Variants in OPCML observed in about 807,000 individuals in gnomAD.
The protein encoded by OPCML is opioid-binding protein/cell adhesion molecule.
A neutral mutation model predicts 37.8 loss-of-function variants in OPCML; 13 were observed. That is an observed-to-expected ratio of 0.34 (90% CI 0.22 to 0.55). OPCML has a LOEUF of 0.55. Ranked by LOEUF, OPCML falls within the 20% of genes least tolerant of loss-of-function variation. The pLI, the probability that OPCML is intolerant of heterozygous loss-of-function variation, is 0.91. For synonymous variants in OPCML, 176 were observed against 168.8 expected (o/e 1.04, Z -0.33); for missense variants, 341 against 435.6 (o/e 0.78, Z 1.93).
intron 1 of OPCML, among the ~76,000 whole-genome samples, chr11:133,147,898 T>C (rs1215907836): frequency 2.6e-5 from 4 of 152,170 alleles, no homozygotes; most frequent in Non-Finnish European, 5.9e-5. Flanking sequence ...TAACTCAAAA[T>C]TGCCCCGTTT....
At chr11:133,003,484 G>A (rs1565392580) in intron 1 of OPCML, among the ~76,000 whole-genome samples, 1 of 152,122 alleles carries the variant, frequency 6.6e-6, no homozygotes, top group South Asian at 2.1e-4. Flanking sequence ...ACTGTATTTA[G>A]GGCCCACTCA....
chr11:132,694,517 A>C (rs1314122533), intron 2 of OPCML, among the ~76,000 whole-genome samples: 1 of 152,040 alleles, frequency 6.6e-6, no homozygotes, highest in African/African-American at 2.4e-5. Context: ...CTTTCTCTAT[A>C]AATGTTTGAT....
At chr11:133,149,883 G>A (rs1230508635) in intron 1 of OPCML, among the ~76,000 whole-genome samples, 1 of 152,216 alleles carries the variant, frequency 6.6e-6, no homozygotes, top group Non-Finnish European at 1.5e-5. Flanking sequence ...TTGGGAGCAG[G>A]GAGGTGGTTA....
At chr11:132,562,017 A>G (rs2096411744) in intron 3 of OPCML, among the ~76,000 whole-genome samples, 1 of 152,184 alleles carries the variant, frequency 6.6e-6, no homozygotes, top group South Asian at 2.1e-4. Context: ...GTTAAAGATA[A>G]TTCTTGAAGG....
chr11:133,365,145 C>T (rs140153723), intron 1 of OPCML, among the ~76,000 whole-genome samples: 1 of 152,202 alleles, frequency 6.6e-6, no homozygotes, highest in East Asian at 1.9e-4. Context: ...TCCAGATGTG[C>T]AGTCAGCAGA....
intron 1 of OPCML, among the ~76,000 whole-genome samples, chr11:133,196,795 C>T (rs763679457): frequency 2.6e-4 from 40 of 152,162 alleles, no homozygotes; most frequent in Non-Finnish European, 4.7e-4. Context: ...GTTGGGCACT[C>T]ATAATTGATA....
intron 2 of OPCML, among the ~76,000 whole-genome samples, chr11:132,741,983 T>C (rs1466753841): frequency 6.6e-6 from 1 of 151,408 alleles, no homozygotes; most frequent in Admixed American, 6.6e-5. Context: ...GAGCCAAGAT[T>C]GCACCGTTGT....
At chr11:132,494,493 C>G (rs1001217395) in intron 4 of OPCML, among the ~76,000 whole-genome samples, 8 of 152,056 alleles carry the variant, frequency 5.3e-5, no homozygotes, top group Non-Finnish European at 1.5e-5. Flanking sequence ...ATCTCATGTT[C>G]TTTTCCTTCC....
chr11:133,231,259 C>G (rs1165607646), intron 1 of OPCML, among the ~76,000 whole-genome samples: 1 of 152,168 alleles, frequency 6.6e-6, no homozygotes, highest in African/African-American at 2.4e-5. Flanking sequence ...CAGCAAGTGA[C>G]TCTCCTCTTC....
intron 2 of OPCML, among the ~76,000 whole-genome samples, chr11:132,813,091 CT>C (rs1486149627): frequency 6.6e-6 from 1 of 152,112 alleles, no homozygotes; most frequent in Non-Finnish European, 1.5e-5. Flanking sequence ...CAAATAGGTT[CT>C]CTTTTTTAAT....
chr11:132,868,250 C>T (rs929068472), intron 2 of OPCML, among the ~76,000 whole-genome samples: 1 of 150,440 alleles, frequency 6.6e-6, no homozygotes, highest in African/African-American at 2.4e-5. Context: ...AATTTTTAGC[C>T]CATAAAATCA....
chr11:133,115,070 G>T (rs1949311542), intron 1 of OPCML, among the ~76,000 whole-genome samples: 1 of 152,192 alleles, frequency 6.6e-6, no homozygotes, highest in Non-Finnish European at 1.5e-5. Context: ...TTGTACCATT[G>T]AGTGGGAGGT....
chr11:133,185,837 G>C (rs1293854352), intron 1 of OPCML, among the ~76,000 whole-genome samples: 1 of 152,166 alleles, frequency 6.6e-6, no homozygotes, highest in African/African-American at 2.4e-5. Context: ...TTCTACAGAT[G>C]TAGAAACTTA....
intron 1 of OPCML, among the ~76,000 whole-genome samples, chr11:133,151,463 C>CA (rs1388009037): frequency 1.3e-5 from 2 of 149,196 alleles, no homozygotes; most frequent in Non-Finnish European, 3.0e-5. Flanking sequence ...ATTTTTTTTT[C>CA]AAAAAAGAAG....
chr11:132,458,258 C>T (rs1050512879), intron 4 of OPCML, among the ~76,000 whole-genome samples: 1 of 152,192 alleles, frequency 6.6e-6, no homozygotes, highest in Non-Finnish European at 1.5e-5. Context: ...CAGAACCCCA[C>T]TCGGACCCAA....
intron 2 of OPCML, among the ~76,000 whole-genome samples, chr11:132,796,615 C>T (rs919333595): frequency 1.4e-5 from 2 of 143,134 alleles, no homozygotes; most frequent in Non-Finnish European, 3.0e-5. Context: ...GCTCTGTCAC[C>T]CAGTCTGGAG....
chr11:132,756,697 AG>A (rs1370887037), intron 2 of OPCML, among the ~76,000 whole-genome samples: 1 of 152,218 alleles, frequency 6.6e-6, no homozygotes, highest in Non-Finnish European at 1.5e-5. Flanking sequence ...AAATTGGCTA[AG>A]TAACTTCTAT....
At chr11:133,236,669 C>G (rs576084142) in intron 1 of OPCML, among the ~76,000 whole-genome samples, 3 of 152,324 alleles carry the variant, frequency 2.0e-5, no homozygotes, top group Admixed American at 2.0e-4. Flanking sequence ...TAAATATTTG[C>G]CCTGGCATGC....
At chr11:132,916,016 A>T (rs1376571382) in intron 2 of OPCML, among the ~76,000 whole-genome samples, 1 of 152,126 alleles carries the variant, frequency 6.6e-6, no homozygotes, top group African/African-American at 2.4e-5. Flanking sequence ...AAAACATTTC[A>T]CAACTTCCAT....
Sources: allele counts gnomAD v4.1 joint callset (sites outside exome capture counted in the v4.1 genomes callset), GRCh38; gene constraint gnomAD v4.1.1; transcripts MANE v1.5; gene names NCBI Gene and HGNC (gene_info 2026-07-23, HGNC 2026-07-21).